Variants in POM121C observed in about 807,000 individuals in gnomAD.
The protein encoded by POM121C is POM121 transmembrane nucleoporin C.
In POM121C, 20 loss-of-function variants were observed where a neutral mutation model predicts 66.4. The observed-to-expected ratio is 0.30, with a 90% CI of 0.21 to 0.44. The LOEUF (loss-of-function observed/expected upper bound fraction) is 0.44. Among genes scored for constraint, POM121C ranks in the 20% least tolerant of loss-of-function variants. The pLI is 1.00. For synonymous variants in POM121C, 286 were observed against 528.0 expected, an observed-to-expected ratio of 0.54 and a Z score of 6.28; for missense variants, 580 against 1,225.7, an observed-to-expected ratio of 0.47 and a Z score of 7.87.
chr7:75,453,275 TAAAAA>T (rs587669014), intron 3 of POM121C, among the ~76,000 whole-genome samples: 1 of 115,128 alleles, frequency 8.7e-6, no homozygotes, highest in African/African-American at 3.4e-5. Flanking sequence ...TACAAAAAGT[TAAAAA>T]AAAAAAAAAA....
chr7:75,433,441 C>T (rs1381467206), intron 7 of POM121C, among the ~76,000 whole-genome samples: 9 of 151,750 alleles, frequency 5.9e-5, no homozygotes, highest in East Asian at 3.9e-4. Context: ...CTGCAAGCTC[C>T]GCCTCCCGGG....
chr7:75,452,625 G>A (rs1295891908), intron 3 of POM121C, among the ~76,000 whole-genome samples: 3 of 152,094 alleles, frequency 2.0e-5, no homozygotes, highest in Admixed American at 6.6e-5. Context: ...GCTGCCACTA[G>A]AGGGCAGCCG....
chr7:75,457,919 A>C (rs1791298068), intron 3 of POM121C, among the ~76,000 whole-genome samples: 1 of 152,276 alleles, frequency 6.6e-6, no homozygotes, highest in Non-Finnish European at 1.5e-5. Context: ...AAAGTTTATT[A>C]AAAAGCTTTA....
At position 75,416,925 on chromosome 7, in the gene POM121C, G is replaced by C; in HGVS notation, c.*1871C>G. Reference sequence around the variant, plus strand: ...AGTCCCAGCCTCCCGCTGCCGTCCAGTGTGTGTACTGTACACATCCACACT... The same window carrying C: ...AGTCCCAGCCTCCCGCTGCCGTCCACTGTGTGTACTGTACACATCCACACT... On this transcript the variant is annotated 3_prime_UTR_variant, in exon 15 of 15. Coordinates refer to ENST00000615331, the MANE Select transcript of POM121C (RefSeq NM_001099415.3). 7.0e-7 allele frequency: 1 copy of C among 1,426,018 alleles called. No individual in the cohort carries two copies. The highest frequency in any genetic ancestry group is 9.1e-7 in the Non-Finnish European group (1 of 1,094,844). The allele number at this position is 1,426,018 out of a possible 1,614,324, so 88.3% of individuals were successfully genotyped here. A position where few individuals can be genotyped will look rare whatever the true frequency, so the allele number is the denominator to read the frequency against.
chr7:75,473,685 TG>T (rs1791957565), intron 3 of POM121C, among the ~76,000 whole-genome samples: 30 of 151,834 alleles, frequency 2.0e-4, no homozygotes, highest in East Asian at 5.8e-4. Context: ...TTTGTTTGTT[TG>T]TTTGTTTTTT....
chr7:75,441,122 T>C lies in POM121C; in HGVS notation c.66-7A>G, dbSNP rs377536474. ...GCTGATTATCTGCTCTGGTCTATAA[T>C]GAAAGACAAGATTCTAGCCGTAAGA... On this transcript the variant is annotated splice_polypyrimidine_tract_variant and splice_region_variant and intron_variant, in intron 4 of 14. Coordinates refer to ENST00000615331, the MANE Select transcript of POM121C (RefSeq NM_001099415.3). 26 of 1,611,752 alleles carry C rather than the reference T, an allele frequency of 1.6e-5. No homozygotes were observed. In the Admixed American group the frequency reaches 2.4e-4, roughly 15 times the overall value.
chr7:75,470,966 A>AT (rs1179844018), intron 3 of POM121C, among the ~76,000 whole-genome samples: 1 of 151,858 alleles, frequency 6.6e-6, no homozygotes, highest in Non-Finnish European at 1.5e-5. Context: ...ACTGGAACTC[A>AT]TTTTTTTAAA....
intron 1 of POM121C, among the ~76,000 whole-genome samples, chr7:75,482,406 T>C (rs1554480268): frequency 6.6e-6 from 1 of 152,170 alleles, no homozygotes. Context: ...TGAGAATACA[T>C]TTCTAGGCCG....
At chr7:75,479,431 C>A (rs1792220433) in intron 1 of POM121C, among the ~76,000 whole-genome samples, 1 of 151,796 alleles carries the variant, frequency 6.6e-6, no homozygotes. Flanking sequence ...GCCTGGCCAA[C>A]ATGGCGAAAC....
intron 3 of POM121C, among the ~76,000 whole-genome samples, chr7:75,473,509 G>A (rs587652781): frequency 2.0e-5 from 3 of 152,230 alleles, no homozygotes; most frequent in African/African-American, 7.2e-5. Context: ...AAAGCTGAGG[G>A]AGCGCTACAT....
At position 75,441,615 on chromosome 7, in the gene POM121C, A is replaced by G; in HGVS notation, c.-119T>C. 1 of 1,571,774 alleles carries G rather than the reference A, an allele frequency of 6.4e-7. No homozygotes were observed. The highest frequency in any genetic ancestry group is 8.6e-7 in the Non-Finnish European group (1 of 1,157,764). On this transcript the variant is annotated 5_prime_UTR_variant, in exon 4 of 15. Transcript: ENST00000615331. Reference sequence around the variant, plus strand: ...GATCGGATAGCGTCTTCGAGGTGTTATTACAAACCGATCTGGTAAAGTCCC... The same window carrying G: ...GATCGGATAGCGTCTTCGAGGTGTTGTTACAAACCGATCTGGTAAAGTCCC...
intron 3 of POM121C, among the ~76,000 whole-genome samples, chr7:75,470,455 C>T (rs1180697675): frequency 1.3e-5 from 2 of 151,324 alleles, no homozygotes; most frequent in African/African-American, 2.4e-5. Flanking sequence ...TTTTCAAGCA[C>T]TTTTCTTTCT....
intron 3 of POM121C, among the ~76,000 whole-genome samples, chr7:75,469,101 CTT>C (rs782685382): frequency 2.8e-5 from 4 of 143,492 alleles, no homozygotes; most frequent in Admixed American, 7.0e-5. Context: ...GGTCTACTTT[CTT>C]TTTTTTTTTT....
Position 75,423,981 on chromosome 7 carries a change from G to A in POM121C, c.1048+68C>T, listed in dbSNP as rs587699474. 3.7e-5 allele frequency: 57 copies of A among 1,538,148 alleles called. No individual in the cohort carries two copies. The African/African-American group carries it at 5.1e-4, about 14-fold the overall frequency. ...ATCTCCAGCGACTGACAGGCACGAC[G>A]CCCTTATTCCAACCCAAGCCGGGGA... On this transcript the variant is annotated intron_variant, in intron 12 of 14. Coordinates refer to ENST00000615331, the MANE Select transcript of POM121C (RefSeq NM_001099415.3).
chr7:75,428,620 T>C (rs1790052137), intron 7 of POM121C, among the ~76,000 whole-genome samples: 1 of 152,114 alleles, frequency 6.6e-6, no homozygotes, highest in African/African-American at 2.4e-5. Context: ...CCATAAACCT[T>C]GCATTTTTGT....
chr7:75,485,226 T>G (rs1176065522), intron 1 of POM121C, among the ~76,000 whole-genome samples: 2 of 152,068 alleles, frequency 1.3e-5, no homozygotes, highest in African/African-American at 2.4e-5. Context: ...AGAAATGAAA[T>G]GAATGTGTAT....
chr7:75,460,503 T>C (rs1791408641), intron 3 of POM121C, among the ~76,000 whole-genome samples: 2 of 151,468 alleles, frequency 1.3e-5, no homozygotes, highest in Non-Finnish European at 2.9e-5. Context: ...TCTCAATAAA[T>C]AAATAAATAT....
At chr7:75,467,821 TA>T (rs1791718676) in intron 3 of POM121C, among the ~76,000 whole-genome samples, 2 of 152,044 alleles carry the variant, frequency 1.3e-5, no homozygotes, top group Non-Finnish European at 2.9e-5. Context: ...GGAACTGTGC[TA>T]GGGGGTATCA....
chr7:75,450,348 T>C (rs1554475426), intron 3 of POM121C, among the ~76,000 whole-genome samples: 1 of 152,160 alleles, frequency 6.6e-6, no homozygotes, highest in Non-Finnish European at 1.5e-5. Context: ...CTGGGGAGAA[T>C]TCCTCTGAGA....
Sources: allele counts gnomAD v4.1 joint callset (sites outside exome capture counted in the v4.1 genomes callset), GRCh38; gene constraint gnomAD v4.1.1; transcripts MANE v1.5; gene names NCBI Gene and HGNC (gene_info 2026-07-23, HGNC 2026-07-21).